Variants in NLGN1 observed in about 807,000 individuals in gnomAD.
NLGN1 encodes the protein neuroligin 1, also known as neuroligin-1.
In NLGN1, 12 loss-of-function variants were observed where a neutral mutation model predicts 65.5. The observed-to-expected ratio is 0.18, with a 90% CI of 0.12 to 0.30. The LOEUF (loss-of-function observed/expected upper bound fraction) is 0.30. Ranked by LOEUF, NLGN1 falls within the 10% of genes least tolerant of loss-of-function variation. The pLI is 1.00. For synonymous variants in NLGN1, 350 were observed against 359.5 expected, an observed-to-expected ratio of 0.97 and a Z score of 0.30; for missense variants, 750 against 1,007.1, an observed-to-expected ratio of 0.74 and a Z score of 3.46.
intron 4 of NLGN1, among the ~76,000 whole-genome samples, chr3:174,087,460 G>C (rs1425517666): frequency 6.6e-6 from 1 of 152,116 alleles, no homozygotes. Context: ...TTTATGAAAA[G>C]TGCTTTTATT....
chr3:173,572,774 G>A (rs925558357), intron 2 of NLGN1, among the ~76,000 whole-genome samples: 3 of 152,168 alleles, frequency 2.0e-5, no homozygotes, highest in African/African-American at 7.2e-5. Context: ...CCTTTCAGGA[G>A]GATTTTGCTT....
chr3:173,514,867 A>G (rs1437645018), intron 2 of NLGN1, among the ~76,000 whole-genome samples: 2 of 152,120 alleles, frequency 1.3e-5, no homozygotes, highest in Non-Finnish European at 2.9e-5. Flanking sequence ...ATAGTATTTT[A>G]TTGTATGCAT....
chr3:174,163,399 A>AT (rs1380739801), intron 4 of NLGN1, among the ~76,000 whole-genome samples: 2 of 151,726 alleles, frequency 1.3e-5, no homozygotes, highest in Non-Finnish European at 2.9e-5. Context: ...ACCTTGAAGG[A>AT]TTTTTTTAGT....
intron 4 of NLGN1, among the ~76,000 whole-genome samples, chr3:173,986,862 A>G (rs191429040): frequency 2.0e-5 from 3 of 152,276 alleles, no homozygotes; most frequent in East Asian, 3.9e-4. Flanking sequence ...AGACCACTTT[A>G]TTTAGTTCTT....
rs189583152 is a variant in NLGN1, at chr3:174,150,767, G to A, written c.647-124548G>A. Among the ~76,000 whole-genome samples, 113 of 152,220 alleles carry A rather than the reference G, an allele frequency of 7.4e-4. 1 individual carries two copies. The highest frequency in any genetic ancestry group is 2.6e-3 in the African/African-American group (108 of 41,558). ...TTCTATTTGGAGCAGGAAGTACAGG[G>A]ATGGAGAGTAGAAAGCCGTAATGTT... On this transcript the variant is annotated intron_variant, in intron 4 of 6. Transcript: ENST00000457714.
intron 4 of NLGN1, among the ~76,000 whole-genome samples, chr3:174,107,017 C>CACAGAGAGAG (rs773314392): frequency 8.7e-4 from 85 of 97,680 alleles, no homozygotes; most frequent in Admixed American, 1.1e-3. Context: ...CACACACACA[C>CACAGAGAGAG]AGAGAGAGAG....
intron 2 of NLGN1, among the ~76,000 whole-genome samples, chr3:173,599,367 T>G (rs186185009): frequency 6.6e-6 from 1 of 152,266 alleles, no homozygotes; most frequent in East Asian, 1.9e-4. Context: ...AGACTCTGGC[T>G]TCTTTGTTCT....
intron 4 of NLGN1, among the ~76,000 whole-genome samples, chr3:173,913,037 T>C (rs887925981): frequency 1.3e-5 from 2 of 152,180 alleles, no homozygotes; most frequent in African/African-American, 4.8e-5. Context: ...AAAATCCCTC[T>C]TTCTCTTCCA....
chr3:173,957,613 A>T (rs1164196368), intron 4 of NLGN1, among the ~76,000 whole-genome samples: 1 of 152,196 alleles, frequency 6.6e-6, no homozygotes, highest in Non-Finnish European at 1.5e-5. Flanking sequence ...TATCAGCATT[A>T]TTTAGACCTA....
intron 4 of NLGN1, among the ~76,000 whole-genome samples, chr3:174,208,686 A>C (rs1014443309): frequency 1.3e-5 from 2 of 152,056 alleles, no homozygotes; most frequent in African/African-American, 4.8e-5. Context: ...AAAAAGGAGA[A>C]CAATAATTTA....
intron 3 of NLGN1, among the ~76,000 whole-genome samples, chr3:173,756,023 T>C (rs1305616277): frequency 6.6e-6 from 1 of 152,092 alleles, no homozygotes; most frequent in Non-Finnish European, 1.5e-5. Flanking sequence ...TATTTTTAAT[T>C]ATACTCCTTT....
At chr3:173,614,662 C>A (rs1218622633) in intron 3 of NLGN1, among the ~76,000 whole-genome samples, 2 of 152,032 alleles carry the variant, frequency 1.3e-5, no homozygotes, top group Non-Finnish European at 2.9e-5. Context: ...GCCAAGCAGC[C>A]TATCAGTGCT....
chr3:173,620,961 T>C (rs1753894046), intron 3 of NLGN1, among the ~76,000 whole-genome samples: 1 of 152,106 alleles, frequency 6.6e-6, no homozygotes, highest in African/African-American at 2.4e-5. Flanking sequence ...CAAATGAACA[T>C]AAGTTTTCAG....
chr3:173,856,297 C>G (rs1727955288), intron 4 of NLGN1, among the ~76,000 whole-genome samples: 1 of 151,946 alleles, frequency 6.6e-6, no homozygotes, highest in Non-Finnish European at 1.5e-5. Flanking sequence ...TATATATTAA[C>G]TACTATGCTG....
intron 2 of NLGN1, among the ~76,000 whole-genome samples, chr3:173,509,223 C>A (rs1296737575): frequency 1.3e-5 from 2 of 152,098 alleles, no homozygotes; most frequent in Non-Finnish European, 2.9e-5. Flanking sequence ...AGCTCTAAGT[C>A]AAAACTTGAT....
chr3:173,539,784 A>G (rs1170784869), intron 2 of NLGN1, among the ~76,000 whole-genome samples: 2 of 103,074 alleles, frequency 1.9e-5, no homozygotes, highest in Non-Finnish European at 3.8e-5. Context: ...ACACATATAT[A>G]TGTACATATA....
At chr3:174,226,179 T>G (rs976290964) in intron 4 of NLGN1, among the ~76,000 whole-genome samples, 1 of 152,120 alleles carries the variant, frequency 6.6e-6, no homozygotes, top group Non-Finnish European at 1.5e-5. Context: ...GCATGGAAGT[T>G]CTTTATGAGC....
At chr3:173,524,018 T>C (rs770324457) in intron 2 of NLGN1, among the ~76,000 whole-genome samples, 7 of 150,310 alleles carry the variant, frequency 4.7e-5, no homozygotes, top group Non-Finnish European at 1.0e-4. Context: ...CCTCCCAAGT[T>C]CATGCCATTC....
intron 4 of NLGN1, among the ~76,000 whole-genome samples, chr3:173,921,238 A>G (rs1479811866): frequency 6.8e-6 from 1 of 147,582 alleles, no homozygotes; most frequent in Admixed American, 6.9e-5. Flanking sequence ...TGTATAATAT[A>G]TGGTATATAT....
Sources: gnomAD v4.1 joint callset for allele counts (sites outside exome capture counted in the v4.1 genomes callset) on GRCh38, gnomAD v4.1.1 for gene constraint, MANE v1.5 for transcripts, NCBI Gene and HGNC (gene_info 2026-07-23, HGNC 2026-07-21) for gene names.